NEMF: variants seen among roughly 807,000 people sequenced by gnomAD.
NEMF encodes the protein ribosome quality control complex subunit NEMF.
A neutral mutation model predicts 162.2 loss-of-function variants in NEMF; 89 were observed. The ratio of observed to expected loss-of-function variants is 0.55; its 90% CI spans 0.46 to 0.65. The LOEUF (loss-of-function observed/expected upper bound fraction) is 0.65. Ranked by LOEUF, NEMF falls within the 30% of genes least tolerant of loss-of-function variation. The probability of loss-of-function intolerance (pLI) is 0.00; values close to 1 mark genes in which losing one functional copy is unlikely to be tolerated. For synonymous variants in NEMF, 421 were observed against 404.5 expected, an observed-to-expected ratio of 1.04 and a Z score of -0.49; for missense variants, 1,133 against 1,261.9, an observed-to-expected ratio of 0.90 and a Z score of 1.55.
Position 49,800,564 on chromosome 14 carries a change from A to G in NEMF, c.2228T>C (p.Ile743Thr). ...TTCGTCTTCAGAGCTTTCTTCCTGA[A>G]TGAGCTCCTCATTTAGTTCATCTCT... ...SGRDELNEEL[I>T]QEESSEDEGE... The change falls in exon 23 of 33, where the codon ATT becomes ACT. Residue 743 changes from isoleucine to threonine, a missense_variant. Ile to Thr is a moderately conservative substitution (Grantham distance 89). Around this residue, in one of 3 missense-constraint regions of NEMF, gnomAD observed 532 missense variants for 578.6 expected, o/e 0.92. Coordinates refer to ENST00000298310, the MANE Select transcript of NEMF (RefSeq NM_004713.6). 6.2e-7 allele frequency: 1 copy of G among 1,613,998 alleles called. No individual in the cohort carries two copies. Among genetic ancestry groups the G allele is most frequent in the South Asian group, 1.1e-5 (1 of 91,074 alleles).
intron 7 of NEMF, chr14:49,834,093 T>C: frequency 1.8e-6 from 1 of 543,190 alleles, no homozygotes; most frequent in Non-Finnish European, 3.5e-6. Context: ...GATACTTGTT[T>C]TTGTGGGGTT....
chr14:49,834,636 C>T (rs534014172), intron 6 of NEMF, among the ~76,000 whole-genome samples, 187 bp from the exon 7 acceptor site: 1 of 152,114 alleles, frequency 6.6e-6, no homozygotes, highest in Non-Finnish European at 1.5e-5. Context: ...GCACCCACCA[C>T]CATGCCCAGC....
In NEMF at chr14:49,782,872, C is replaced by T. The variant is rs765604548; in HGVS notation, c.*1764G>A. 2.7e-5 allele frequency: 44 copies of T among 1,613,586 alleles called. No homozygotes were observed. Among genetic ancestry groups the T allele is most frequent in the Non-Finnish European group, 2.5e-5 (30 of 1,179,734 alleles). ...TCATTTGCTTTAAAGAAATGTTAGC[C>T]AACTCATGGAACTGCCTTCCAAAAC... On this transcript the variant is annotated 3_prime_UTR_variant, in exon 33 of 33. Transcript: ENST00000298310.
At chr14:49,805,443 A>T (rs1891142055) in intron 19 of NEMF, among the ~76,000 whole-genome samples, 1 of 152,086 alleles carries the variant, frequency 6.6e-6, no homozygotes, top group Admixed American at 6.6e-5. Flanking sequence ...CAAGAGGACC[A>T]CTTAAGGTCA....
At chr14:49,839,847 T>TA (rs544510041) in intron 5 of NEMF, 135 of 152,194 alleles carry the variant, frequency 8.9e-4, no homozygotes, top group African/African-American at 3.0e-3. Flanking sequence ...ATTTAAAATT[T>TA]AAAAAAATTA....
At chr14:49,847,177 C>A (rs1254589829) in intron 3 of NEMF, among the ~76,000 whole-genome samples, 1 of 152,016 alleles carries the variant, frequency 6.6e-6, no homozygotes, top group Non-Finnish European at 1.5e-5. Context: ...AGCCACTGTG[C>A]CCAGCCAACC....
chr14:49,829,538 T>C (rs1354889603), intron 11 of NEMF, 112 bp from the exon 12 acceptor site: 2 of 861,268 alleles, frequency 2.3e-6, no homozygotes, highest in African/African-American at 1.7e-5. Flanking sequence ...GTTATCTAGC[T>C]AGCTGAAGTT....
At chr14:49,809,665 G>A (rs1313336079) in intron 18 of NEMF, among the ~76,000 whole-genome samples, 1 of 151,686 alleles carries the variant, frequency 6.6e-6, no homozygotes, top group Non-Finnish European at 1.5e-5. Flanking sequence ...TTCGAGACCA[G>A]CCTGGCCAAC....
Position 49,831,341 on chromosome 14 carries a change from G to A in NEMF, c.903C>T (p.Ser301=). 6.2e-7 allele frequency: 1 copy of A among 1,601,222 alleles called. No homozygotes were observed. The highest frequency in any genetic ancestry group is 8.6e-7 in the Non-Finnish European group (1 of 1,169,266). Residue 301 remains serine, a synonymous_variant, in exon 11 of 33, where the codon TCC becomes TCT. Transcript: ENST00000298310. ...SFDKAVDEFY[S]KIEGQKIDLK... ...AGTCAATTTTCTGGCCTTCTATCTT[G>A]GAATAAAATTCATCCACCGCCTTAT...
intron 19 of NEMF, among the ~76,000 whole-genome samples, chr14:49,805,557 A>C (rs1159914598): frequency 6.6e-6 from 1 of 152,148 alleles, no homozygotes; most frequent in Non-Finnish European, 1.5e-5. Context: ...AAAGAAGGGC[A>C]ATTAATAAAA....
At chr14:49,821,729 T>C (rs1290109487) in intron 16 of NEMF, among the ~76,000 whole-genome samples, 3 of 146,226 alleles carry the variant, frequency 2.1e-5, no homozygotes, top group Admixed American at 2.0e-4. Flanking sequence ...GTCCAGGAGG[T>C]GAGGGGCGCC....
intron 8 of NEMF, 113 bp downstream of exon 8, chr14:49,833,310 A>G: frequency 1.8e-6 from 1 of 570,018 alleles, no homozygotes; most frequent in Middle Eastern, 5.2e-4. Flanking sequence ...TATTACAGAT[A>G]ACAATTTTCC....
chr14:49,825,874 C>T lies in NEMF; in HGVS notation c.1570G>A (p.Val524Ile), dbSNP rs534498135. The T allele has an allele frequency of 1.3e-6, 2 of 1,586,400 alleles. No homozygotes were observed. Among genetic ancestry groups the T allele is most frequent in the South Asian group, 2.2e-5 (2 of 88,958 alleles). The change falls in exon 16 of 33, where the codon GTA becomes ATA. Residue 524 changes from valine to isoleucine, a missense_variant. Physicochemically the swap from Val to Ile is conservative, Grantham distance 29. Around this residue, in one of 3 missense-constraint regions of NEMF, gnomAD observed 582 missense variants for 631.5 expected, o/e 0.92. Coordinates refer to ENST00000298310, the MANE Select transcript of NEMF (RefSeq NM_004713.6). ...AAGAGACAGAACACTTACCAATATACTTTTCTTGCTTTTTGAATAGAGGTA... is the reference window on the plus strand; with the variant it reads ...AAGAGACAGAACACTTACCAATATATTTTTCTTGCTTTTTGAATAGAGGTA... ...TVTSIQKARK[V>I]YWFEKFLWFI...
At chr14:49,827,466 C>T (rs572760861) in intron 15 of NEMF, among the ~76,000 whole-genome samples, 9 of 152,008 alleles carry the variant, frequency 5.9e-5, no homozygotes, top group Non-Finnish European at 7.4e-5. Context: ...GAATTACAGG[C>T]GTCAACCACC....
chr14:49,852,588 G>T, intron 1 of NEMF, 107 bp downstream of exon 1: 1 of 1,222,794 alleles, frequency 8.2e-7, no homozygotes. Context: ...GTCCATAGAC[G>T]CACTAGGAAA....
At chr14:49,823,826 G>A (rs1032836097) in intron 16 of NEMF, among the ~76,000 whole-genome samples, 1 of 152,154 alleles carries the variant, frequency 6.6e-6, no homozygotes, top group African/African-American at 2.4e-5. Flanking sequence ...ATTGGGAGGG[G>A]AGAAATATCT....
rs377067632 is a variant in NEMF at position 49,832,137 on chromosome 14, T to A, written c.807-11A>T. ...TGAAATTCCTCATACCTGTAAAACA[T>A]ATTTATTATATCACATTCGAGAACA... On this transcript the variant is annotated splice_polypyrimidine_tract_variant and intron_variant, in intron 9 of 32. Transcript: ENST00000298310. 1.9e-5 allele frequency: 31 copies of A among 1,599,314 alleles called. No homozygotes were observed. The highest frequency in any genetic ancestry group is 2.6e-5 in the Non-Finnish European group (31 of 1,172,402).
chr14:49,825,764 G>T, intron 16 of NEMF, 103 bp downstream of exon 16: 1 of 746,712 alleles, frequency 1.3e-6, no homozygotes, highest in Non-Finnish European at 2.2e-6. Flanking sequence ...AGAGCTACTG[G>T]TTTTGTAACA....
chr14:49,785,189 A>C (rs1182791153), intron 30 of NEMF, 31 bp downstream of exon 30: 1 of 1,605,276 alleles, frequency 6.2e-7, no homozygotes, highest in East Asian at 2.2e-5. Flanking sequence ...ACAATTCACA[A>C]AAGCCATTCT....
Sources: allele counts gnomAD v4.1 joint callset (sites outside exome capture counted in the v4.1 genomes callset), GRCh38; gene constraint gnomAD v4.1.1; regional missense constraint gnomAD v4.1.1; transcripts MANE v1.5; gene names NCBI Gene and HGNC (gene_info 2026-07-23, HGNC 2026-07-21).